SDK1: variants seen among roughly 807,000 people sequenced by gnomAD.
SDK1 encodes protein sidekick-1.
A neutral mutation model predicts 245.5 loss-of-function variants in SDK1; 157 were observed. That is an observed-to-expected ratio of 0.64 (90% CI 0.56 to 0.73). SDK1 has a LOEUF of 0.73. SDK1 is among the 30% of genes least tolerant of loss of function. The pLI, the probability that SDK1 is intolerant of heterozygous loss-of-function variation, is 0.00. For synonymous variants in SDK1, 1,647 were observed against 1,278.5 expected (o/e 1.29, Z -6.15); for missense variants, 3,583 against 3,002.3 (o/e 1.19, Z -4.52).
At chr7:3,832,450 C>T (rs16870954) in intron 5 of SDK1, among the ~76,000 whole-genome samples, 9,633 of 152,146 alleles carry the variant, frequency 0.063, 998 homozygotes, top group African/African-American at 0.21. Context: ...TCTTTTGGCT[C>T]TTGTAGAAGG....
At chr7:3,507,089 G>T (rs1215345584) in intron 1 of SDK1, among the ~76,000 whole-genome samples, 1 of 152,098 alleles carries the variant, frequency 6.6e-6, no homozygotes, top group Non-Finnish European at 1.5e-5. Context: ...GGTTTGTTTA[G>T]CCCTAATCCC....
rs1015981240 is a variant in SDK1 at position 3,615,243 on chromosome 7, C to G, written c.299-3837C>G. 4.0e-5 allele frequency among the ~76,000 whole-genome samples: 6 copies of G among 151,616 alleles called. 1 individual carries two copies. Among genetic ancestry groups the G allele is most frequent in the Non-Finnish European group, 7.4e-5 (5 of 67,814 alleles). On this transcript the variant is annotated intron_variant, in intron 1 of 44. Transcript: ENST00000404826. ...GGCCAGACATTAATAAAGCCTGTAG[C>G]TCAGTAAATCCCACAGGATCAAAGC...
chr7:3,843,002 A>G (rs1309193357), intron 5 of SDK1, among the ~76,000 whole-genome samples: 1 of 152,138 alleles, frequency 6.6e-6, no homozygotes, highest in African/African-American at 2.4e-5. Context: ...TGCATTGAAC[A>G]ACTGCCTAAC....
At chr7:3,795,887 ATCTAAACTTTGGCTC>A (rs1160396717) in intron 4 of SDK1, among the ~76,000 whole-genome samples, 2 of 152,210 alleles carry the variant, frequency 1.3e-5, no homozygotes, top group Non-Finnish European at 2.9e-5. Context: ...AGGGCAATAA[ATCTAAACTTTGGCTC>A]TCATAAAATG....
intron 4 of SDK1, among the ~76,000 whole-genome samples, chr7:3,755,532 A>C (rs1296776805): frequency 1.3e-5 from 2 of 152,126 alleles, no homozygotes; most frequent in African/African-American, 4.8e-5. Flanking sequence ...ATTTGGACAG[A>C]ATACTTAATT....
chr7:3,831,732 C>T (rs1035546934), intron 5 of SDK1, among the ~76,000 whole-genome samples: 1 of 151,906 alleles, frequency 6.6e-6, no homozygotes, highest in East Asian at 1.9e-4. Context: ...GCTGTATGCC[C>T]TGTATGTAAA....
intron 22 of SDK1, among the ~76,000 whole-genome samples, chr7:4,096,997 A>G (rs1485485622): frequency 1.3e-5 from 2 of 152,146 alleles, no homozygotes; most frequent in African/African-American, 4.8e-5. Context: ...AGAATCACAA[A>G]CTCGCACAGC....
Position 4,205,987 on chromosome 7 carries a change from G to T in SDK1, c.5207G>T (p.Gly1736Val). 6.5e-7 allele frequency: 1 copy of T among 1,545,456 alleles called. No homozygotes were observed. The highest frequency in any genetic ancestry group is 8.7e-7 in the Non-Finnish European group (1 of 1,143,848). The change falls in exon 36 of 45, where the codon GGC (glycine) becomes GTC (valine). Residue 1736 changes from glycine to valine, a missense_variant. Gly to Val is a moderately radical substitution (Grantham distance 109, BLOSUM62 -3). Transcript: ENST00000404826. ...GAGAGCCAGAATGGGAACATCCAAGGCTACAAGGCAAGGCCCTCCCGTGCG... is the reference window on the plus strand; with the variant it reads ...GAGAGCCAGAATGGGAACATCCAAGTCTACAAGGCAAGGCCCTCCCGTGCG... ...PPESQNGNIQ[G>V]YKIYYWEADS... is the part of the protein sequence containing the mutation.
At chr7:3,721,564 G>A (rs1034066721) in intron 4 of SDK1, among the ~76,000 whole-genome samples, 3 of 152,218 alleles carry the variant, frequency 2.0e-5, no homozygotes, top group Non-Finnish European at 4.4e-5. Context: ...ACACCTCTGT[G>A]GGTGCACCCT....
chr7:3,336,730 G>T (rs575598198), intron 1 of SDK1, among the ~76,000 whole-genome samples: 4 of 152,272 alleles, frequency 2.6e-5, no homozygotes, highest in African/African-American at 7.2e-5. Context: ...TGGCCCAGAG[G>T]GTAGCTGATC....
chr7:4,230,234 G>T (rs986093392), intron 40 of SDK1, among the ~76,000 whole-genome samples: 1 of 151,346 alleles, frequency 6.6e-6, no homozygotes, highest in Admixed American at 6.6e-5. Context: ...TGGACGAATG[G>T]ATAGATGGAT....
chr7:3,618,740 G>A (rs932112806), intron 1 of SDK1, among the ~76,000 whole-genome samples: 8 of 152,122 alleles, frequency 5.3e-5, no homozygotes, highest in East Asian at 1.9e-4. Context: ...CTGTTTTCTC[G>A]CAAATAGATT....
At chr7:3,821,335 C>T (rs1011707814) in intron 4 of SDK1, 115 bp from the exon 5 acceptor site, 145 of 1,215,904 alleles carry the variant, frequency 1.2e-4, no homozygotes, top group Non-Finnish European at 1.5e-4. Flanking sequence ...TTTGTCCTTC[C>T]AGCTCTTCTT....
At chr7:3,632,688 T>G (rs1483242642) in intron 2 of SDK1, among the ~76,000 whole-genome samples, 2 of 152,244 alleles carry the variant, frequency 1.3e-5, no homozygotes, top group South Asian at 4.1e-4. Context: ...CCATACTGTT[T>G]AATTTAACTT....
At chr7:4,206,091 G>C (rs928785601) in intron 36 of SDK1, 97 bp downstream of exon 36, 1 of 789,122 alleles carries the variant, frequency 1.3e-6, no homozygotes, top group African/African-American at 1.8e-5. Context: ...GACCCCGCAG[G>C]CGCTCCACCT....
At chr7:3,922,180 G>A (rs557560771) in intron 5 of SDK1, among the ~76,000 whole-genome samples, 20 of 152,034 alleles carry the variant, frequency 1.3e-4, no homozygotes, top group Admixed American at 2.6e-4. Flanking sequence ...TAGTTAAGAC[G>A]CCGGAGAAGG....
intron 5 of SDK1, among the ~76,000 whole-genome samples, chr7:3,868,206 G>A (rs1469760005): frequency 6.6e-6 from 1 of 152,138 alleles, no homozygotes; most frequent in Admixed American, 6.5e-5. Flanking sequence ...CACTAGAAGT[G>A]TTATTATTTA....
chr7:3,945,505 G>C (rs1001728086), intron 5 of SDK1, among the ~76,000 whole-genome samples: 39 of 152,028 alleles, frequency 2.6e-4, no homozygotes, highest in African/African-American at 8.7e-4. Flanking sequence ...CATGAAACAA[G>C]AACAGGATGC....
At chr7:3,454,388 T>TTGTGTG (rs60437983) in intron 1 of SDK1, among the ~76,000 whole-genome samples, 2,655 of 141,758 alleles carry the variant, frequency 0.019, 65 homozygotes, top group African/African-American at 0.051. Context: ...TCCCCAAGAT[T>TTGTGTG]TGTGTGTGTG....
Sources: gnomAD v4.1 joint callset for allele counts (sites outside exome capture counted in the v4.1 genomes callset) on GRCh38, gnomAD v4.1.1 for gene constraint, MANE v1.5 for transcripts, NCBI Gene and HGNC (gene_info 2026-07-23, HGNC 2026-07-21) for gene names.